The following GNPTAB variants were observed in gnomAD, a reference collection of about 807,000 sequenced individuals.
GNPTAB encodes the protein N-acetylglucosamine-1-phosphate transferase subunits alpha and beta, also known as N-acetylglucosamine-1-phosphotransferase subunits alpha/beta.
In GNPTAB, 92 loss-of-function variants were observed where a neutral mutation model predicts 136.6. The observed-to-expected ratio is 0.67, with a 90% CI of 0.57 to 0.80. GNPTAB has a LOEUF of 0.80. Ranked by LOEUF, GNPTAB falls within the 30% of genes least tolerant of loss-of-function variation. The pLI is 0.00. For synonymous variants in GNPTAB, 512 were observed against 535.1 expected (o/e 0.96, Z 0.60); for missense variants, 1,343 against 1,501.8 (o/e 0.89, Z 1.75).
At chr12:101,814,057 CA>C (rs1870379990) in intron 1 of GNPTAB, among the ~76,000 whole-genome samples, 1 of 147,042 alleles carries the variant, frequency 6.8e-6, no homozygotes, top group African/African-American at 2.6e-5. Flanking sequence ...CCAGTCTGGG[CA>C]ACAGAGCGAG....
intron 1 of GNPTAB, among the ~76,000 whole-genome samples, chr12:101,816,976 T>C (rs955693755): frequency 3.3e-5 from 5 of 152,086 alleles, no homozygotes; most frequent in African/African-American, 9.7e-5. Flanking sequence ...TTCTCACTCA[T>C]ATGTGGGAGC....
At chr12:101,756,716 GTAAA>G (rs1952906376) in intron 18 of GNPTAB, 1 of 184,678 alleles carries the variant, frequency 5.4e-6, no homozygotes. Flanking sequence ...TAAGGGGCTA[GTAAA>G]GAAATTGTTA....
intron 1 of GNPTAB, among the ~76,000 whole-genome samples, chr12:101,830,151 A>C (rs2137197054): frequency 6.6e-6 from 1 of 152,318 alleles, no homozygotes; most frequent in South Asian, 2.1e-4. Flanking sequence ...CCAGCACTTT[A>C]GAAAGCCAAG....
At chr12:101,756,032 A>T (rs969545154) in intron 18 of GNPTAB, among the ~76,000 whole-genome samples, 1 of 152,188 alleles carries the variant, frequency 6.6e-6, no homozygotes, top group African/African-American at 2.4e-5. Flanking sequence ...CTCCCATCAA[A>T]ATTGGTTCTT....
intron 2 of GNPTAB, 73 bp downstream of exon 2, chr12:101,796,604 A>T: frequency 1.0e-6 from 1 of 980,766 alleles, no homozygotes; most frequent in Middle Eastern, 2.1e-4. Context: ...TTAAACTGTC[A>T]TATTTACAGG....
intron 1 of GNPTAB, among the ~76,000 whole-genome samples, chr12:101,822,385 A>G (rs371764644): frequency 4.3e-4 from 66 of 152,270 alleles, no homozygotes; most frequent in East Asian, 1.7e-3. Context: ...CTGCACTCCA[A>G]CCTGGGCGAC....
At chr12:101,781,958 T>C (rs1868368300) in intron 5 of GNPTAB, among the ~76,000 whole-genome samples, 3 of 152,216 alleles carry the variant, frequency 2.0e-5, no homozygotes, top group Admixed American at 1.3e-4. Flanking sequence ...TCAGGTGGGC[T>C]AGAACTTAAC....
chr12:101,798,995 G>A (rs537644640), intron 1 of GNPTAB, among the ~76,000 whole-genome samples: 1 of 152,152 alleles, frequency 6.6e-6, no homozygotes, highest in Non-Finnish European at 1.5e-5. Flanking sequence ...GAGGTCTGCA[G>A]TGGTGGTTGC....
intron 7 of GNPTAB, chr12:101,778,273 G>A (rs1275679243): frequency 1.3e-5 from 2 of 152,086 alleles, no homozygotes; most frequent in African/African-American, 4.8e-5. Flanking sequence ...GTGGAGTATG[G>A]AGAAGTGGAA....
rs1264651970 is a variant in GNPTAB at position 101,830,718 on chromosome 12, C to G, written c.-43G>C. 1.7e-5 allele frequency: 18 copies of G among 1,055,130 alleles called. No homozygotes were observed. Among genetic ancestry groups the G allele is most frequent in the Admixed American group, 1.7e-4 (8 of 47,236 alleles). The allele number at this position is 1,055,130 out of a possible 1,614,324, so 65.4% of individuals were successfully genotyped here. ...GCCACGCCCCGAGGAGCCTGAGCCG[C>G]CGCCGCCGCCGCCGCCGCCTCAGCG... is the stretch of plus-strand genomic sequence containing the variant. On this transcript the variant is annotated 5_prime_UTR_variant, in exon 1 of 21. Coordinates refer to ENST00000299314, the MANE Select transcript of GNPTAB (RefSeq NM_024312.5).
At chr12:101,811,378 TTTTTC>T (rs1313233639) in intron 1 of GNPTAB, among the ~76,000 whole-genome samples, 2 of 87,828 alleles carry the variant, frequency 2.3e-5, no homozygotes, top group African/African-American at 1.5e-4. Flanking sequence ...TTCACATAAT[TTTTTC>T]TTTTTTTTTT....
intron 1 of GNPTAB, among the ~76,000 whole-genome samples, chr12:101,806,611 C>T (rs1429144450): frequency 6.6e-6 from 1 of 152,130 alleles, no homozygotes; most frequent in Non-Finnish European, 1.5e-5. Context: ...TAAATCACTA[C>T]AATACCTTCC....
At chr12:101,782,728 C>T (rs990863569) in intron 5 of GNPTAB, among the ~76,000 whole-genome samples, 1 of 152,216 alleles carries the variant, frequency 6.6e-6, no homozygotes, top group South Asian at 2.1e-4. Context: ...CTAGGGCCTA[C>T]ACTATTTGGT....
intron 2 of GNPTAB, 111 bp from the exon 3 acceptor site, chr12:101,790,168 G>A (rs1407507439): frequency 2.1e-6 from 3 of 1,423,510 alleles, no homozygotes; most frequent in African/African-American, 1.4e-5. Flanking sequence ...CTCTGAAGAA[G>A]TAATCCAACC....
At chr12:101,760,917 T>A (rs1952982424) in intron 15 of GNPTAB, among the ~76,000 whole-genome samples, 1 of 151,922 alleles carries the variant, frequency 6.6e-6, no homozygotes, top group Non-Finnish European at 1.5e-5. Flanking sequence ...GTAGCTGGAA[T>A]GACAGGCGCA....
At chr12:101,770,621 AC>A in intron 8 of GNPTAB, 36 bp from the exon 9 acceptor site, 1 of 1,440,508 alleles carries the variant, frequency 6.9e-7, no homozygotes, top group Non-Finnish European at 9.8e-7. Context: ...GATGTGAAAT[AC>A]CCCTTAAGTC....
intron 1 of GNPTAB, among the ~76,000 whole-genome samples, chr12:101,807,112 C>T (rs1043524659): frequency 2.0e-5 from 3 of 152,158 alleles, no homozygotes; most frequent in African/African-American, 7.2e-5. Context: ...CCCAGGTATA[C>T]AAGCCTGGTT....
At chr12:101,814,906 A>G (rs1870437546) in intron 1 of GNPTAB, among the ~76,000 whole-genome samples, 2 of 152,162 alleles carry the variant, frequency 1.3e-5, no homozygotes, top group South Asian at 4.1e-4. Flanking sequence ...GCCTCGAGAA[A>G]ACTCCACTGT....
rs79397623 is a variant in GNPTAB, at chr12:101,769,230, C to T, written c.1284+791G>A. 2.8e-3 allele frequency among the ~76,000 whole-genome samples: 432 copies of T among 152,308 alleles called. 2 individuals carry two copies. Among genetic ancestry groups the T allele is most frequent in the African/African-American group, 9.6e-3 (398 of 41,548 alleles). On this transcript the variant is annotated intron_variant, in intron 10 of 20. Coordinates refer to ENST00000299314, the MANE Select transcript of GNPTAB (RefSeq NM_024312.5). Reference sequence around the variant, plus strand: ...AAAACACAGAGGTAGAGCCACTGCCCAAGGTCATCCTGAAGAGTTGGCCCC... The same window carrying T: ...AAAACACAGAGGTAGAGCCACTGCCTAAGGTCATCCTGAAGAGTTGGCCCC...
Sources: gnomAD v4.1 joint callset for allele counts (sites outside exome capture counted in the v4.1 genomes callset) on GRCh38, gnomAD v4.1.1 for gene constraint, MANE v1.5 for transcripts, NCBI Gene and HGNC (gene_info 2026-07-23, HGNC 2026-07-21) for gene names.